Variants in SUPT3H observed in about 807,000 individuals in gnomAD.
SUPT3H encodes the protein SPT3 homolog, SAGA and STAGA complex component.
A neutral mutation model predicts 44.3 loss-of-function variants in SUPT3H; 44 were observed. The observed-to-expected ratio is 0.99, with a 90% confidence interval of 0.78 to 1.28. The LOEUF is 1.28. Among genes scored for constraint, SUPT3H ranks in the 50% most tolerant of loss-of-function variants. SUPT3H has a pLI of 0.00. For synonymous variants in SUPT3H, 124 were observed against 125.6 expected (o/e 0.99, Z 0.09); for missense variants, 380 against 387.1 (o/e 0.98, Z 0.15).
At chr6:44,963,989 C>T (rs1776434922) in intron 6 of SUPT3H, among the ~76,000 whole-genome samples, 1 of 145,304 alleles carries the variant, frequency 6.9e-6, no homozygotes, top group African/African-American at 2.5e-5. Flanking sequence ...CAGAGGGAGA[C>T]TCCGTTTCAA....
At chr6:45,333,485 G>A (rs1214683915) in intron 2 of SUPT3H, among the ~76,000 whole-genome samples, 1 of 151,430 alleles carries the variant, frequency 6.6e-6, no homozygotes, top group Non-Finnish European at 1.5e-5. Flanking sequence ...TAAGGGCATA[G>A]GACTCAAGAT....
In SUPT3H at chr6:45,074,920, C is replaced by T. The variant is rs148014589; in HGVS notation, c.186+31002G>A. Among the ~76,000 whole-genome samples the T allele has an allele frequency of 2.8e-3, 431 of 152,106 alleles. 3 individuals are homozygous for T. Among genetic ancestry groups the T allele is most frequent in the African/African-American group, 9.5e-3 (395 of 41,544 alleles). Reference sequence around the variant, plus strand: ...TTGGTACAATAATTTAATAAACATACATATACTGAGTTTCTGCTATGTGCT... The same window carrying T: ...TTGGTACAATAATTTAATAAACATATATATACTGAGTTTCTGCTATGTGCT... On this transcript the variant is annotated intron_variant, in intron 3 of 10. Coordinates refer to ENST00000371459, the MANE Select transcript of SUPT3H (RefSeq NM_003599.4).
Position 45,197,236 on chromosome 6 carries a change from A to C in SUPT3H, c.102-91230T>G, listed in dbSNP as rs144268993. Reference sequence around the variant, plus strand: ...GTGTTCAATTAACACTGAATGAACAAATAATCAAGTAAATGGAGAGAAAAT... The same window carrying C: ...GTGTTCAATTAACACTGAATGAACACATAATCAAGTAAATGGAGAGAAAAT... On this transcript the variant is annotated intron_variant, in intron 2 of 10. Coordinates refer to ENST00000371459, the MANE Select transcript of SUPT3H (RefSeq NM_003599.4). Among the ~76,000 whole-genome samples the C allele has an allele frequency of 1.3e-3, 201 of 151,778 alleles. 2 individuals carry two copies. The highest frequency in any genetic ancestry group is 4.6e-3 in the African/African-American group (190 of 41,540).
At chr6:44,810,276 G>A (rs1475713037) in intron 11 of SUPT3H, among the ~76,000 whole-genome samples, 1 of 152,158 alleles carries the variant, frequency 6.6e-6, no homozygotes, top group Non-Finnish European at 1.5e-5. Context: ...GTTTACTAAG[G>A]GCAAAGGCGA....
chr6:44,811,191 G>A (rs1259785799), intron 11 of SUPT3H, among the ~76,000 whole-genome samples: 1 of 152,178 alleles, frequency 6.6e-6, no homozygotes, highest in East Asian at 1.9e-4. Context: ...TCTTGGCTAT[G>A]ATAGTTTCTC....
intron 2 of SUPT3H, among the ~76,000 whole-genome samples, chr6:45,319,701 G>A (rs111567083): frequency 2.3e-4 from 35 of 152,250 alleles, no homozygotes; most frequent in African/African-American, 8.2e-4. Context: ...TCCAATGGAA[G>A]ATGCAATGAC....
At chr6:45,080,991 A>G (rs1267585406) in intron 3 of SUPT3H, among the ~76,000 whole-genome samples, 4 of 151,612 alleles carry the variant, frequency 2.6e-5, no homozygotes, top group Non-Finnish European at 5.9e-5. Context: ...TGATAAAATT[A>G]CTATCCATTT....
chr6:45,072,579 C>A (rs1364489835), intron 3 of SUPT3H, among the ~76,000 whole-genome samples: 1 of 152,016 alleles, frequency 6.6e-6, no homozygotes, highest in Non-Finnish European at 1.5e-5. Context: ...TTTTAAAGTT[C>A]TTTTAGATTC....
intron 3 of SUPT3H, among the ~76,000 whole-genome samples, chr6:45,021,056 C>T (rs913986552): frequency 6.6e-6 from 1 of 151,730 alleles, no homozygotes; most frequent in African/African-American, 2.4e-5. Context: ...CCATTCAGAA[C>T]TTTAAAAGAT....
At chr6:45,153,422 T>C (rs1205880247) in intron 2 of SUPT3H, among the ~76,000 whole-genome samples, 1 of 152,218 alleles carries the variant, frequency 6.6e-6, no homozygotes. Flanking sequence ...TATCAGAATA[T>C]ATGTCTCATG....
rs944854941 is a variant in SUPT3H at position 45,084,245 on chromosome 6, C to T, written c.186+21677G>A. 9.2e-5 allele frequency among the ~76,000 whole-genome samples: 14 copies of T among 152,004 alleles called. No individual in the cohort carries two copies. The East Asian group carries it at 1.9e-3, about 21-fold the overall frequency. On this transcript the variant is annotated intron_variant, in intron 3 of 10. Transcript: ENST00000371459. ...GAGAAAACATTCACAAATACCCATG[C>T]GACAAAGGTCTACGTCTAGAATCTA...
At chr6:45,335,514 A>G (rs1788370666) in intron 2 of SUPT3H, among the ~76,000 whole-genome samples, 1 of 151,312 alleles carries the variant, frequency 6.6e-6, no homozygotes, top group Non-Finnish European at 1.5e-5. Context: ...GCTCATTAAA[A>G]TACATTTTTT....
intron 10 of SUPT3H, among the ~76,000 whole-genome samples, chr6:44,899,609 C>G (rs2153447307): frequency 6.6e-6 from 1 of 152,282 alleles, no homozygotes; most frequent in Non-Finnish European, 1.5e-5. Flanking sequence ...ATCGTTTGAA[C>G]CCGGGAGATG....
intron 10 of SUPT3H, among the ~76,000 whole-genome samples, chr6:44,922,649 C>T (rs1210719831): frequency 1.3e-5 from 2 of 152,074 alleles, no homozygotes; most frequent in East Asian, 3.9e-4. Flanking sequence ...TTAAATAGAA[C>T]TGATATGTTA....
intron 2 of SUPT3H, among the ~76,000 whole-genome samples, chr6:45,220,815 C>T (rs550009746): frequency 2.6e-5 from 4 of 152,228 alleles, no homozygotes; most frequent in Admixed American, 6.5e-5. Flanking sequence ...GATAGTGTGG[C>T]GATTCCTCAA....
chr6:44,895,901 G>A lies in SUPT3H; in HGVS notation c.912+36752C>T, dbSNP rs73735254. ...TAAAGTAGGGTAAAAAAAGTGAAGCGGTCACAAATAGTGCTTGGGGAAAAA... is the reference window on the plus strand; with the variant it reads ...TAAAGTAGGGTAAAAAAAGTGAAGCAGTCACAAATAGTGCTTGGGGAAAAA... On this transcript the variant is annotated intron_variant, in intron 10 of 10. Coordinates refer to ENST00000371459, the MANE Select transcript of SUPT3H (RefSeq NM_003599.4). 4.0e-3 allele frequency among the ~76,000 whole-genome samples: 602 copies of A among 151,764 alleles called. 7 individuals are homozygous for A. The highest frequency in any genetic ancestry group is 0.014 in the African/African-American group (567 of 41,362).
intron 2 of SUPT3H, among the ~76,000 whole-genome samples, chr6:45,343,031 T>C (rs952933929): frequency 5.9e-5 from 9 of 152,142 alleles, no homozygotes; most frequent in African/African-American, 2.2e-4. Flanking sequence ...TGTAAAAATA[T>C]TACCACCTAC....
intron 2 of SUPT3H, among the ~76,000 whole-genome samples, chr6:45,319,001 A>C (rs888114182): frequency 1.3e-5 from 2 of 152,156 alleles, no homozygotes; most frequent in East Asian, 1.9e-4. Flanking sequence ...TTCATAAAAA[A>C]GTATGTTTAA....
chr6:44,839,318 T>A (rs1475018215), intron 10 of SUPT3H, among the ~76,000 whole-genome samples: 1 of 119,122 alleles, frequency 8.4e-6, no homozygotes, highest in Non-Finnish European at 1.9e-5. Context: ...TCACTATTAT[T>A]ATTATTTTTT....
Sources: gnomAD v4.1 joint callset for allele counts (sites outside exome capture counted in the v4.1 genomes callset) on GRCh38, gnomAD v4.1.1 for gene constraint, MANE v1.5 for transcripts, NCBI Gene and HGNC (gene_info 2026-07-23, HGNC 2026-07-21) for gene names.